The following DNAJC2 variants were observed in gnomAD, a reference collection of about 807,000 sequenced individuals.
The protein encoded by DNAJC2 is dnaJ homolog subfamily C member 2.
A neutral mutation model predicts 94.0 loss-of-function variants in DNAJC2; 32 were observed. The observed-to-expected ratio is 0.34, with a 90% CI of 0.26 to 0.46. The LOEUF is 0.46. Ranked by LOEUF, DNAJC2 falls within the 20% of genes least tolerant of loss-of-function variation. The pLI is 1.00. For synonymous variants in DNAJC2, 210 were observed against 229.7 expected (o/e 0.91, Z 0.77); for missense variants, 550 against 719.5 (o/e 0.76, Z 2.69).
chr7:103,318,688 G>A (rs187379325), intron 12 of DNAJC2, among the ~76,000 whole-genome samples: 5 of 152,200 alleles, frequency 3.3e-5, no homozygotes, highest in African/African-American at 1.2e-4. Context: ...GAATTTCTGG[G>A]CCTGTTTTCT....
rs546848610 is a variant in DNAJC2 at position 103,326,792 on chromosome 7, T to A, written c.431-108A>T. The A allele has an allele frequency of 3.4e-6, 4 of 1,167,512 alleles. No homozygotes were observed. In the East Asian group the frequency reaches 1.1e-4, roughly 31 times the overall value. The allele number at this position is 1,167,512 out of a possible 1,614,324, so 72.3% of individuals were successfully genotyped here. A position where few individuals can be genotyped will look rare whatever the true frequency, so the allele number is the denominator to read the frequency against. ...ACATAGAAGTCATTAATTTTCATAT[T>A]TGAAAATTTTGTTTGCAGGTTGGGG... On this transcript the variant is annotated intron_variant, in intron 4 of 16. Coordinates refer to ENST00000379263, the MANE Select transcript of DNAJC2 (RefSeq NM_014377.3).
At chr7:103,327,813 G>A (rs1818786608) in intron 3 of DNAJC2, 59 bp from the exon 4 acceptor site, 2 of 1,045,136 alleles carry the variant, frequency 1.9e-6, no homozygotes, top group Non-Finnish European at 2.9e-6. Context: ...ATAAAGATGA[G>A]CTACATGTAG....
chr7:103,327,214 C>T (rs1818753864), intron 4 of DNAJC2: 2 of 464,354 alleles, frequency 4.3e-6, no homozygotes, highest in Non-Finnish European at 7.3e-6. Flanking sequence ...AGGATATAAT[C>T]AACTTCTTGA....
chr7:103,323,117 AC>A (rs1408939973), intron 7 of DNAJC2, among the ~76,000 whole-genome samples: 1 of 152,122 alleles, frequency 6.6e-6, no homozygotes, highest in Non-Finnish European at 1.5e-5. Flanking sequence ...TTTAGTAGAG[AC>A]AGGGTTTCGC....
chr7:103,322,034 T>G lies in DNAJC2; in HGVS notation c.981A>C (p.Glu327Asp). Reference sequence around the variant, plus strand: ...ATGCTTGCTGTCTGACTTCCTCCTCTTCTTTCTCCTTAGCTAACCGAGCAG... The same window carrying G: ...ATGCTTGCTGTCTGACTTCCTCCTCGTCTTTCTCCTTAGCTAACCGAGCAG... The part of the protein sequence containing the change: ...LEAARLAKEK[E>D]EEEVRQQALL... Residue 327 changes from glutamate to aspartate, a missense_variant, in exon 10 of 17, where the codon GAA (glutamate) becomes GAC (aspartate). This residue lies in a region of DNAJC2 where 279 missense variants were observed against 416.9 expected (regional missense o/e 0.67). Transcript: ENST00000379263. 6.2e-7 allele frequency: 1 copy of G among 1,613,966 alleles called. No individual in the cohort carries two copies. The highest frequency in any genetic ancestry group is 1.1e-5 in the South Asian group (1 of 91,070).
rs2116088027 is a variant in DNAJC2 at position 103,344,626 on chromosome 7, G to A, written c.-4C>T. 2 of 1,609,934 alleles carry A rather than the reference G, an allele frequency of 1.2e-6. No homozygotes were observed. The highest frequency in any genetic ancestry group is 2.2e-5 in the East Asian group (1 of 44,860). On this transcript the variant is annotated 5_prime_UTR_variant, in exon 1 of 17. Transcript: ENST00000379263. ...CGGCGCTTGGCAGAAGCAGCATGAT[G>A]GCGCCGGGTCTAGCCCGGTGGGCGC...
chr7:103,333,008 T>C (rs952229126), intron 3 of DNAJC2, among the ~76,000 whole-genome samples: 3 of 152,048 alleles, frequency 2.0e-5, no homozygotes, highest in African/African-American at 7.3e-5. Flanking sequence ...TTTTTTTAGA[T>C]TTTGGAATAT....
At chr7:103,337,580 G>C in intron 3 of DNAJC2, 156 bp downstream of exon 3, 1 of 588,574 alleles carries the variant, frequency 1.7e-6, no homozygotes. Context: ...TCTGAAGGCA[G>C]GGGAGACCGT....
chr7:103,334,299 T>C (rs992952671), intron 3 of DNAJC2, among the ~76,000 whole-genome samples: 2 of 150,644 alleles, frequency 1.3e-5, no homozygotes, highest in Admixed American at 6.6e-5. Context: ...CGGTGGCTCA[T>C]GCCTGTAATC....
At chr7:103,344,444 G>T in intron 1 of DNAJC2, 115 bp downstream of exon 1, 1 of 1,183,990 alleles carries the variant, frequency 8.4e-7, no homozygotes, top group Non-Finnish European at 1.2e-6. Flanking sequence ...GGCCCCATAC[G>T]GCCCCGGGGC....
chr7:103,317,912 A>T (rs1183760162), intron 12 of DNAJC2, among the ~76,000 whole-genome samples: 2 of 152,142 alleles, frequency 1.3e-5, no homozygotes, highest in Non-Finnish European at 2.9e-5. Flanking sequence ...TGGCCTCCCA[A>T]AGTGCTCGGA....
At chr7:103,337,846 A>T (rs776749922) in intron 2 of DNAJC2, 35 bp from the exon 3 acceptor site, 1 of 1,488,122 alleles carries the variant, frequency 6.7e-7, no homozygotes, top group Admixed American at 1.7e-5. Context: ...TCAAATTTGA[A>T]ATGAAGCCAA....
At chr7:103,326,713 A>C in intron 4 of DNAJC2, 29 bp from the exon 5 acceptor site, 3 of 1,574,072 alleles carry the variant, frequency 1.9e-6, no homozygotes, top group Non-Finnish European at 2.6e-6. Context: ...AGATCACATC[A>C]CCATAACTTT....
chr7:103,337,815 GAA>G lies in DNAJC2; in HGVS notation c.256-6_256-5del, dbSNP rs752510242. On this transcript the variant is annotated splice_region_variant and splice_polypyrimidine_tract_variant and intron_variant, in intron 2 of 16. Transcript: ENST00000379263. ...GAACTGCATAATGATCTTGGTTCTG[GAA>G]AAAAAACACAAAAGGGAGTCAAATT... The G allele has an allele frequency of 1.6e-5, 26 of 1,605,758 alleles. No individual in the cohort carries two copies. Among genetic ancestry groups the G allele is most frequent in the Non-Finnish European group, 2.2e-5 (26 of 1,176,496 alleles).
intron 3 of DNAJC2, chr7:103,329,140 T>C: frequency 2.7e-6 from 1 of 374,768 alleles, no homozygotes; most frequent in Non-Finnish European, 4.8e-6. Context: ...TGTCTCAGTT[T>C]TTCTTCTGAC....
intron 9 of DNAJC2, 84 bp from the exon 10 acceptor site, chr7:103,322,165 ATAAAT>A (rs1231107055): frequency 1.1e-5 from 11 of 1,044,628 alleles, no homozygotes; most frequent in Admixed American, 6.7e-5. Context: ...TAAACTTTTA[ATAAAT>A]TATATTAGGA....
intron 3 of DNAJC2, among the ~76,000 whole-genome samples, chr7:103,331,239 T>C (rs1377460836): frequency 1.3e-5 from 2 of 152,240 alleles, no homozygotes; most frequent in African/African-American, 4.8e-5. Context: ...ATTACAGGCG[T>C]GAGCCACTGT....
Position 103,316,992 on chromosome 7 carries a change from A to G in DNAJC2, c.1265T>C (p.Ile422Thr). The G allele has an allele frequency of 6.2e-7, 1 of 1,612,964 alleles. No homozygotes were observed. The highest frequency in any genetic ancestry group is 2.2e-5 in the East Asian group (1 of 44,842). Reference sequence around the variant, plus strand: ...CTCAGCTTCCTCTTTCTCTTTTCTGATTTGCTCATTTATTTCTTCTATCTG... The same window carrying G: ...CTCAGCTTCCTCTTTCTCTTTTCTGGTTTGCTCATTTATTTCTTCTATCTG... Reference protein sequence around the residue: ...EKQIEEINEQIRKEKEEAEAR... With the variant: ...EKQIEEINEQTRKEKEEAEAR... Residue 422 changes from isoleucine to threonine, a missense_variant, in exon 13 of 17, where the codon ATC becomes ACC. Physicochemically the swap from Ile to Thr is moderately conservative, Grantham distance 89 (BLOSUM62 -1). This residue lies in a region of DNAJC2 where 271 missense variants were observed against 302.6 expected (regional missense o/e 0.90). Coordinates refer to ENST00000379263, the MANE Select transcript of DNAJC2 (RefSeq NM_014377.3).
chr7:103,323,353 T>C (rs981300192), intron 7 of DNAJC2, among the ~76,000 whole-genome samples: 2 of 152,200 alleles, frequency 1.3e-5, no homozygotes, highest in African/African-American at 2.4e-5. Flanking sequence ...AAGAAAAAGA[T>C]TTTGCTGAAC....
Sources: allele counts gnomAD v4.1 joint callset (sites outside exome capture counted in the v4.1 genomes callset), GRCh38; gene constraint gnomAD v4.1.1; regional missense constraint gnomAD v4.1.1; transcripts MANE v1.5; gene names NCBI Gene and HGNC (gene_info 2026-07-23, HGNC 2026-07-21).